HEATR1: variants seen among roughly 807,000 people sequenced by gnomAD.
The protein encoded by HEATR1 is HEAT repeat-containing protein 1.
A neutral mutation model predicts 248.2 loss-of-function variants in HEATR1; 77 were observed. The observed-to-expected ratio is 0.31, with a 90% confidence interval of 0.26 to 0.37. The LOEUF is 0.37. HEATR1 is among the 10% of genes least tolerant of loss of function. The pLI, the probability that HEATR1 is intolerant of heterozygous loss-of-function variation, is 1.00. For missense variants in HEATR1, 2,420 were observed against 2,504.9 expected (o/e 0.97, Z 0.72); for synonymous variants, 897 against 923.1 (o/e 0.97, Z 0.51).
chr1:236,594,905 C>A (rs1160825921), intron 8 of HEATR1, among the ~76,000 whole-genome samples: 2 of 152,102 alleles, frequency 1.3e-5, no homozygotes, highest in Admixed American at 1.3e-4. Flanking sequence ...CTCAGGTGAT[C>A]CTCCCACCTC....
In HEATR1 at chr1:236,571,470, T is replaced by G. The variant is rs143410468; in HGVS notation, c.3829A>C (p.Ile1277Leu). The change falls in exon 28 of 45, where the codon ATT becomes CTT. Residue 1277 changes from isoleucine (I) to leucine (L), a missense_variant and splice_region_variant. Coordinates refer to ENST00000366582, the MANE Select transcript of HEATR1 (RefSeq NM_018072.6). ...ACGTTGAACTTCTCCTCATCTAAAATATCTACAATGGTGAGAAAGACAAAA... is the reference window on the plus strand; with the variant it reads ...ACGTTGAACTTCTCCTCATCTAAAAGATCTACAATGGTGAGAAAGACAAAA... The part of the protein sequence containing the change: ...SPDGGKIPKD[I>L]LDEEKFNVEL... 969 of 1,613,744 alleles carry G rather than the reference T, an allele frequency of 6.0e-4. No individual in the cohort carries two copies. Among genetic ancestry groups the G allele is most frequent in the Non-Finnish European group, 7.5e-4 (884 of 1,179,910 alleles).
At position 236,585,854 on chromosome 1, in the gene HEATR1, A is replaced by C; in HGVS notation, c.2015T>G (p.Ile672Arg). 1 of 1,612,950 alleles carries C rather than the reference A, an allele frequency of 6.2e-7. No individual in the cohort carries two copies. The highest frequency in any genetic ancestry group is 8.5e-7 in the Non-Finnish European group (1 of 1,179,144). ...CATTGAAGAAGGATCTCCTAAATTTATATTATCAGCCAACAACTCAATCAT... is the reference window on the plus strand; with the variant it reads ...CATTGAAGAAGGATCTCCTAAATTTCTATTATCAGCCAACAACTCAATCAT... Reference protein sequence around the residue: ...QKMIELLADNINLGDPSSMLK... With the variant: ...QKMIELLADNRNLGDPSSMLK... Residue 672 changes from isoleucine (I) to arginine (R), a missense_variant, in exon 16 of 45, where the codon ATA (isoleucine) becomes AGA (arginine). Transcript: ENST00000366582.
rs779043626 is a variant in HEATR1, at chr1:236,576,289, C to A, written c.3014G>T (p.Ser1005Ile). Residue 1005 changes from serine (S) to isoleucine (I), a missense_variant, in exon 22 of 45, where the codon AGT (serine) becomes ATT (isoleucine). Ser to Ile is a moderately radical substitution (Grantham distance 142, BLOSUM62 -2). Transcript: ENST00000366582. The part of the protein sequence containing the change: ...KLSETLKNLL[S>I]CVYSCPSYIA... ...ATAAGATGGGCAACTATACACACAA[C>A]TAAGTAAGTTTTTCAAAGTTTCAGA... 7.4e-6 allele frequency: 12 copies of A among 1,611,994 alleles called. No individual in the cohort carries two copies. The highest frequency in any genetic ancestry group is 1.3e-5 in the African/African-American group (1 of 74,836).
In HEATR1 at chr1:236,581,008, C is replaced by T. The variant is rs61525859; in HGVS notation, c.2755+214G>A. Among the ~76,000 whole-genome samples the T allele has an allele frequency of 2.8e-3, 422 of 151,766 alleles. 3 individuals carry two copies. The highest frequency in any genetic ancestry group is 9.4e-3 in the African/African-American group (389 of 41,396). On this transcript the variant is annotated intron_variant, in intron 20 of 44. Transcript: ENST00000366582. Reference sequence around the variant, plus strand: ...CTAATTTTTGTATTTTTAGTAGAGACGGGGTTTCACCATGTTGCCCAGGAT... The same window carrying T: ...CTAATTTTTGTATTTTTAGTAGAGATGGGGTTTCACCATGTTGCCCAGGAT...
intron 29 of HEATR1, among the ~76,000 whole-genome samples, chr1:236,567,196 T>C (rs983822038): frequency 1.3e-5 from 2 of 152,072 alleles, no homozygotes; most frequent in Non-Finnish European, 2.9e-5. Flanking sequence ...GACCGGGCTG[T>C]TCTCAAACTC....
intron 31 of HEATR1, among the ~76,000 whole-genome samples, chr1:236,564,936 C>T (rs16833919): frequency 2.6e-5 from 4 of 152,140 alleles, no homozygotes; most frequent in Non-Finnish European, 2.9e-5. Flanking sequence ...AACCACATCA[C>T]GGAAGGAGTC....
intron 20 of HEATR1, among the ~76,000 whole-genome samples, chr1:236,577,817 A>G (rs1162655503): frequency 2.0e-5 from 3 of 152,074 alleles, no homozygotes; most frequent in African/African-American, 4.8e-5. Flanking sequence ...GTATACTCCA[A>G]TGTATTTTCC....
chr1:236,579,962 A>G (rs1349676800), intron 20 of HEATR1, among the ~76,000 whole-genome samples: 1 of 151,998 alleles, frequency 6.6e-6, no homozygotes, highest in African/African-American at 2.4e-5. Flanking sequence ...ACAAAAAAAA[A>G]CCAAGGACAT....
intron 8 of HEATR1, among the ~76,000 whole-genome samples, 165 bp downstream of exon 8, chr1:236,595,375 C>T (rs1188874161): frequency 6.6e-6 from 1 of 152,120 alleles, no homozygotes; most frequent in East Asian, 1.9e-4. Flanking sequence ...TTCAACCAAC[C>T]TGCTCCCCAC....
intron 17 of HEATR1, 75 bp from the exon 18 acceptor site, chr1:236,583,271 A>T: frequency 7.7e-7 from 1 of 1,303,892 alleles, no homozygotes; most frequent in Non-Finnish European, 1.1e-6. Flanking sequence ...TCCTCTGCAT[A>T]ATATGCAAAA....
intron 2 of HEATR1, 75 bp downstream of exon 2, chr1:236,603,875 ACAAG>A (rs1247634518): frequency 1.1e-5 from 15 of 1,383,578 alleles, no homozygotes; most frequent in Non-Finnish European, 1.5e-5. Context: ...AGAAGAGAAA[ACAAG>A]GGGAAAAAAA....
rs1572030032 is a variant in HEATR1, at chr1:236,553,651, A to G, written c.6167T>C (p.Met2056Thr). ...TGGTTTCCAAAGAGAGTCATCCGCC[A>G]TGGCCACCGAAAACTGTGCGATGCA... ...IPCIAQFSVAMADDSLWKPLN... is the reference protein window; with the variant it reads ...IPCIAQFSVATADDSLWKPLN... Residue 2056 changes from methionine to threonine, a missense_variant, in exon 43 of 45, where the codon ATG becomes ACG. By Grantham distance (81) the Met-to-Thr change is moderately conservative. Transcript: ENST00000366582. 2 of 1,614,102 alleles carry G rather than the reference A, an allele frequency of 1.2e-6. No homozygotes were observed. The highest frequency in any genetic ancestry group is 2.2e-5 in the East Asian group (1 of 44,868).
chr1:236,599,547 C>A lies in HEATR1; in HGVS notation c.437G>T (p.Arg146Leu), dbSNP rs775729831. 6.2e-7 allele frequency: 1 copy of A among 1,613,508 alleles called. No homozygotes were observed. Among genetic ancestry groups the A allele is most frequent in the Non-Finnish European group, 8.5e-7 (1 of 1,179,726 alleles). ...LPYHETRIFV[R>L]VIQLLKINNS... ...ATTAATTTTTAGAAGCTGTATGACT[C>A]GCACAAATATTCTTGTCTCGTGGTA... Residue 146 changes from arginine to leucine, a missense_variant, in exon 4 of 45, where the codon CGA becomes CTA. By Grantham distance (102) the Arg-to-Leu change is moderately radical. Coordinates refer to ENST00000366582, the MANE Select transcript of HEATR1 (RefSeq NM_018072.6).
At chr1:236,557,561 A>G (rs1343878203) in intron 36 of HEATR1, among the ~76,000 whole-genome samples, 2 of 152,276 alleles carry the variant, frequency 1.3e-5, no homozygotes, top group Non-Finnish European at 2.9e-5. Context: ...AAAAAATAAC[A>G]ATGTCTTTCA....
Position 236,558,233 on chromosome 1 carries a change from A to C in HEATR1, c.5204+4T>G, listed in dbSNP as rs752721376. 1.1e-5 allele frequency: 17 copies of C among 1,608,904 alleles called. No individual in the cohort carries two copies. Among genetic ancestry groups the C allele is most frequent in the African/African-American group, 6.7e-5 (5 of 74,622 alleles). ...GCTCCTGTTCCAAGTCTCCGGCCGC[A>C]TACCTGGGAAGCTGGGGGATGGCCA... On this transcript the variant is annotated splice_donor_region_variant and intron_variant, in intron 36 of 44. Coordinates refer to ENST00000366582, the MANE Select transcript of HEATR1 (RefSeq NM_018072.6).
At chr1:236,592,144 TTAA>T in intron 10 of HEATR1, 34 bp from the exon 11 acceptor site, 1 of 1,080,186 alleles carries the variant, frequency 9.3e-7, no homozygotes, top group South Asian at 1.5e-5. Flanking sequence ...TTCATTATTC[TTAA>T]TAAATTTATT....
chr1:236,551,843 C>T (rs1049001496), intron 44 of HEATR1, 156 bp downstream of exon 44: 5 of 584,078 alleles, frequency 8.6e-6, no homozygotes, highest in African/African-American at 1.9e-5. Context: ...GGAGCTCGAG[C>T]CTGCCTGTAT....
At chr1:236,551,040 G>T in intron 44 of HEATR1, 50 bp from the exon 45 acceptor site, 2 of 1,374,400 alleles carry the variant, frequency 1.5e-6, no homozygotes, top group Non-Finnish European at 2.0e-6. Context: ...CAGTCCGCCT[G>T]CCTCGGTTCT....
chr1:236,578,113 T>C (rs914298319), intron 20 of HEATR1, among the ~76,000 whole-genome samples: 3 of 152,234 alleles, frequency 2.0e-5, no homozygotes, highest in African/African-American at 4.8e-5. Context: ...TACCTCTCTC[T>C]ATATTTAGAG....
Sources: gnomAD v4.1 joint callset for allele counts (sites outside exome capture counted in the v4.1 genomes callset) on GRCh38, gnomAD v4.1.1 for gene constraint, MANE v1.5 for transcripts, NCBI Gene and HGNC (gene_info 2026-07-23, HGNC 2026-07-21) for gene names.